LCLAT1: variants seen among roughly 807,000 people sequenced by gnomAD.
LCLAT1 encodes lysocardiolipin acyltransferase 1.
A neutral mutation model predicts 30.7 loss-of-function variants in LCLAT1; 11 were observed. That is an observed-to-expected ratio of 0.36 (90% confidence interval 0.23 to 0.59). LCLAT1 has a LOEUF of 0.59. LCLAT1 is among the 20% of genes least tolerant of loss of function. The probability of loss-of-function intolerance (pLI) is 0.77; values close to 1 mark genes in which losing one functional copy is unlikely to be tolerated. For synonymous variants in LCLAT1, 155 were observed against 151.3 expected, an observed-to-expected ratio of 1.02 and a Z score of -0.18; for missense variants, 402 against 458.6, an observed-to-expected ratio of 0.88 and a Z score of 1.13.
At position 30,640,323 on chromosome 2, in the gene LCLAT1, T is replaced by C. The variant is rs1223136420; in HGVS notation, c.835T>C (p.Ser279Pro). The change falls in exon 6 of 6, where the codon TCC becomes CCC. Residue 279 changes from serine to proline, a missense_variant. By Grantham distance (74) the Ser-to-Pro change is moderately conservative. Transcript: ENST00000379509. ...GGAAGAGAAAGAAGAGAGGCTGCGTTCCTTCTATCAAGGGGAGAAGAATTT... is the reference window on the plus strand; with the variant it reads ...GGAAGAGAAAGAAGAGAGGCTGCGTCCCTTCTATCAAGGGGAGAAGAATTT... The part of the protein sequence containing the change: ...RWEEKEERLR[S>P]FYQGEKNFYF... 1.9e-6 allele frequency: 3 copies of C among 1,614,100 alleles called. No homozygotes were observed. Among genetic ancestry groups the C allele is most frequent in the Non-Finnish European group, 1.7e-6 (2 of 1,180,038 alleles).
At chr2:30,517,955 G>T (rs527811165) in intron 1 of LCLAT1, among the ~76,000 whole-genome samples, 2 of 152,124 alleles carry the variant, frequency 1.3e-5, no homozygotes, top group African/African-American at 4.8e-5. Flanking sequence ...CTGACAACCC[G>T]TAGCCTTCCT....
chr2:30,544,359 G>A (rs1009054402), intron 3 of LCLAT1, among the ~76,000 whole-genome samples: 5 of 152,150 alleles, frequency 3.3e-5, no homozygotes, highest in Non-Finnish European at 5.9e-5. Flanking sequence ...TAACTATTAA[G>A]AGAAAGATTC....
At chr2:30,528,694 A>G (rs750385687) in intron 2 of LCLAT1, among the ~76,000 whole-genome samples, 1 of 152,158 alleles carries the variant, frequency 6.6e-6, no homozygotes, top group Non-Finnish European at 1.5e-5. Context: ...ACCTATTCCT[A>G]ACTTTTGTCT....
In LCLAT1 at chr2:30,462,002, G is replaced by A. The variant is rs1292755422; in HGVS notation, c.-5+14619G>A. Among the ~76,000 whole-genome samples, 11 of 151,936 alleles carry A rather than the reference G, an allele frequency of 7.2e-5. No homozygotes were observed. In the East Asian group the frequency reaches 2.1e-3, roughly 30 times the overall value. On this transcript the variant is annotated intron_variant, in intron 1 of 5. Transcript: ENST00000379509. ...TTAGCCAGGATGGTCTCGATCTCCT[G>A]ACCTCGTGATCCGCCCGCCTCGGCC...
intron 5 of LCLAT1, among the ~76,000 whole-genome samples, chr2:30,623,797 A>C (rs1195376508): frequency 6.6e-6 from 1 of 152,342 alleles, no homozygotes; most frequent in Non-Finnish European, 1.5e-5. Flanking sequence ...ATCATCGCCT[A>C]GGCACATAGT....
intron 3 of LCLAT1, among the ~76,000 whole-genome samples, chr2:30,549,718 T>A (rs185592624): frequency 8.5e-5 from 13 of 152,298 alleles, no homozygotes; most frequent in African/African-American, 2.9e-4. Context: ...TAAGTATCTG[T>A]AAATTGTGCA....
intron 3 of LCLAT1, among the ~76,000 whole-genome samples, chr2:30,545,068 A>G (rs1664335815): frequency 6.6e-6 from 1 of 152,192 alleles, no homozygotes; most frequent in East Asian, 1.9e-4. Context: ...CAAACTACTA[A>G]TGGGAACAGA....
chr2:30,637,774 C>T (rs1435772700), intron 5 of LCLAT1, among the ~76,000 whole-genome samples: 1 of 152,146 alleles, frequency 6.6e-6, no homozygotes, highest in Non-Finnish European at 1.5e-5. Flanking sequence ...GATGGGGTTT[C>T]ACCATCTTGG....
At chr2:30,560,025 GT>G (rs1233933423) in intron 3 of LCLAT1, among the ~76,000 whole-genome samples, 1 of 152,152 alleles carries the variant, frequency 6.6e-6, no homozygotes, top group Non-Finnish European at 1.5e-5. Flanking sequence ...CTGGCTTGTA[GT>G]GGTTTCACTC....
At chr2:30,559,317 C>T (rs963742110) in intron 3 of LCLAT1, among the ~76,000 whole-genome samples, 25 of 152,168 alleles carry the variant, frequency 1.6e-4, no homozygotes, top group African/African-American at 6.0e-4. Flanking sequence ...TATATACTTA[C>T]TGTCCGCACA....
At chr2:30,554,802 T>G (rs1664839947) in intron 3 of LCLAT1, among the ~76,000 whole-genome samples, 1 of 152,114 alleles carries the variant, frequency 6.6e-6, no homozygotes, top group South Asian at 2.1e-4. Context: ...ACAAATTAGT[T>G]AGATGATCAA....
At chr2:30,559,913 C>T (rs757662291) in intron 3 of LCLAT1, among the ~76,000 whole-genome samples, 1 of 152,192 alleles carries the variant, frequency 6.6e-6, no homozygotes, top group Non-Finnish European at 1.5e-5. Context: ...ACCCATTGAA[C>T]ACTCTGTGCT....
intron 5 of LCLAT1, among the ~76,000 whole-genome samples, chr2:30,597,449 A>G (rs928320363): frequency 7.2e-5 from 11 of 151,808 alleles, no homozygotes; most frequent in African/African-American, 1.9e-4. Flanking sequence ...CTGCTTGTCT[A>G]TTGTTGGTGT....
intron 5 of LCLAT1, among the ~76,000 whole-genome samples, chr2:30,570,451 G>T (rs1339775951): frequency 6.6e-6 from 1 of 152,190 alleles, no homozygotes; most frequent in Non-Finnish European, 1.5e-5. Context: ...GCATTATGCT[G>T]TGTGTTTTAT....
chr2:30,622,751 G>A (rs1384982970), intron 5 of LCLAT1, among the ~76,000 whole-genome samples: 3 of 152,176 alleles, frequency 2.0e-5, no homozygotes, highest in Admixed American at 2.0e-4. Flanking sequence ...TCTAGGGGAA[G>A]GGGGAGAGCA....
At chr2:30,607,463 A>C (rs1057015537) in intron 5 of LCLAT1, 1 of 152,126 alleles carries the variant, frequency 6.6e-6, no homozygotes, top group Admixed American at 6.6e-5. Context: ...GTCTCATAAG[A>C]TCATAATGGA....
At chr2:30,569,783 A>G (rs1215997997) in intron 5 of LCLAT1, among the ~76,000 whole-genome samples, 2 of 152,236 alleles carry the variant, frequency 1.3e-5, no homozygotes, top group Non-Finnish European at 2.9e-5. Context: ...AATGTTATTC[A>G]TATTACTTTG....
rs1681294705 is a variant in LCLAT1, at chr2:30,447,299, C to G, written c.-89C>G. On this transcript the variant is annotated 5_prime_UTR_variant, in exon 1 of 6. Coordinates refer to ENST00000379509, the MANE Select transcript of LCLAT1 (RefSeq NM_001002257.3). ...TTACGGGATGAATTAACGGCGGGTT[C>G]CGCACGGAGGTTGTGACCCCTACGG... 6.6e-6 allele frequency: 1 copy of G among 151,900 alleles called. No homozygotes were observed. The highest frequency in any genetic ancestry group is 2.1e-4 in the South Asian group (1 of 4,814). The allele number at this position is 151,900 out of a possible 1,614,324, so 9.4% of individuals were successfully genotyped here.
intron 3 of LCLAT1, among the ~76,000 whole-genome samples, chr2:30,553,841 T>A (rs956684638): frequency 8.5e-5 from 13 of 152,112 alleles, no homozygotes; most frequent in African/African-American, 3.1e-4. Context: ...AAAGACAAAT[T>A]ATATATGCTG....
Sources: allele counts gnomAD v4.1 joint callset (sites outside exome capture counted in the v4.1 genomes callset), GRCh38; gene constraint gnomAD v4.1.1; transcripts MANE v1.5; gene names NCBI Gene and HGNC (gene_info 2026-07-23, HGNC 2026-07-21).